SLC5A10: variants seen among roughly 807,000 people sequenced by gnomAD.
SLC5A10 encodes the protein sodium/mannose cotransporter SLC5A10.
Under a neutral mutation model 68.9 loss-of-function variants are expected in SLC5A10, and 55 were observed. The ratio of observed to expected loss-of-function variants is 0.80; its 90% CI spans 0.64 to 1.00. The LOEUF is 1.00. Ranked by LOEUF, SLC5A10 falls within the 50% of genes least tolerant of loss-of-function variation. The pLI is 0.00. For synonymous variants in SLC5A10, 344 were observed against 344.8 expected, an observed-to-expected ratio of 1.00 and a Z score of 0.02; for missense variants, 732 against 819.3, an observed-to-expected ratio of 0.89 and a Z score of 1.30.
rs201190158 is a variant in SLC5A10 at position 19,015,473 on chromosome 17, ATCTC to A, written c.1241+278_1241+281del. On this transcript the variant is annotated intron_variant, in intron 11 of 14. Transcript: ENST00000395645. ...CCCTCCCTCCCCAACCATGCCACAG[ATCTC>A]TCTATCTCCCCGAAAACCTGGGCCC... is the stretch of plus-strand genomic sequence containing the variant. Among the ~76,000 whole-genome samples, 69 of 151,996 alleles carry A rather than the reference ATCTC, an allele frequency of 4.5e-4. No homozygotes were observed. In the East Asian group the frequency reaches 8.5e-3, roughly 19 times the overall value.
chr17:18,991,580 G>A (rs2043426106), intron 9 of SLC5A10, among the ~76,000 whole-genome samples: 1 of 152,170 alleles, frequency 6.6e-6, no homozygotes, highest in African/African-American at 2.4e-5. Flanking sequence ...GCAGGAGGCG[G>A]GTGGCCTGGG....
At chr17:19,005,805 G>GC (rs1041447038) in intron 9 of SLC5A10, among the ~76,000 whole-genome samples, 2 of 152,132 alleles carry the variant, frequency 1.3e-5, no homozygotes, top group African/African-American at 2.4e-5. Flanking sequence ...CTGCCATATA[G>GC]CCCCCCAAGG....
Position 19,015,085 on chromosome 17 carries a change from C to T in SLC5A10, c.1127C>T (p.Ala376Val), listed in dbSNP as rs767812987. ...CTGATGATCGCAGTGATGCTGGCGG[C>T]GCTCATGTCGTCGCTGACCTCCATC... ...RGLMIAVMLA[A>V]LMSSLTSIFN... is the part of the protein sequence containing the mutation. Residue 376 changes from alanine (A) to valine (V), a missense_variant, in exon 11 of 15, where the codon GCG (alanine) becomes GTG (valine). Physicochemically the swap from Ala to Val is moderately conservative, Grantham distance 64. Transcript: ENST00000395645. 8.7e-6 allele frequency: 14 copies of T among 1,613,854 alleles called. No homozygotes were observed. Among genetic ancestry groups the T allele is most frequent in the Non-Finnish European group, 1.2e-5 (14 of 1,179,894 alleles).
Position 18,968,932 on chromosome 17 carries a change from CTCCCCTCCTTAT to C in SLC5A10, c.454-119_454-108del. On this transcript the variant is annotated intron_variant, in intron 5 of 14. Coordinates refer to ENST00000395645, the MANE Select transcript of SLC5A10 (RefSeq NM_001042450.4). The surrounding 1 kb of genome is among the most constrained non-coding windows in gnomAD (Gnocchi z 4.1). ...TGCAGGCAGGCAGGCGAGTGGGGGT[CTCCCCTCCTTAT>C]CCACAGGCCACCGAGGCCCAGAGAG... The C allele has an allele frequency of 1.2e-6, 1 of 806,996 alleles. No homozygotes were observed. The highest frequency in any genetic ancestry group is 1.8e-5 in the South Asian group (1 of 55,028). The allele number at this position is 806,996 out of a possible 1,614,324, so 50.0% of individuals were successfully genotyped here.
At position 18,985,467 on chromosome 17, in the gene SLC5A10, G is replaced by A. The variant is rs150846402; in HGVS notation, c.982+8478G>A. On this transcript the variant is annotated intron_variant, in intron 9 of 14. Transcript: ENST00000395645. ...CCTGGGCCCAAAGGAGCTGGGGCAGGTTGGTGCAGAGCTGGGCAGGGGTGG... is the reference window on the plus strand; with the variant it reads ...CCTGGGCCCAAAGGAGCTGGGGCAGATTGGTGCAGAGCTGGGCAGGGGTGG... 4.5e-3 allele frequency among the ~76,000 whole-genome samples: 691 copies of A among 152,360 alleles called. 7 individuals are homozygous for A. Among genetic ancestry groups the A allele is most frequent in the African/African-American group, 0.016 (650 of 41,582 alleles).
intron 9 of SLC5A10, 33 bp downstream of exon 9, chr17:18,977,022 G>A: frequency 1.2e-6 from 2 of 1,606,896 alleles, no homozygotes; most frequent in Non-Finnish European, 1.7e-6. Flanking sequence ...AACCCAGGCT[G>A]CAGGGCACCC....
intron 5 of SLC5A10, among the ~76,000 whole-genome samples, chr17:18,965,512 GTT>G (rs1182565136): frequency 6.6e-6 from 1 of 152,236 alleles, no homozygotes; most frequent in East Asian, 1.9e-4. Flanking sequence ...ACCAGGGCCG[GTT>G]CCCAGCCTCC....
chr17:18,988,129 G>A (rs1295060886), intron 9 of SLC5A10: 3 of 1,446,326 alleles, frequency 2.1e-6, no homozygotes, highest in African/African-American at 1.4e-5. Flanking sequence ...TAGGATTACT[G>A]GACTCTGAGT....
rs1028566075 is a variant in SLC5A10 at position 19,004,511 on chromosome 17, G to A, written c.983-8899G>A. ...GCTTCTTAGAGTGGGAGGCGGCCCC[G>A]GCACAGAGGCGCCCCGCAAACCGAG... On this transcript the variant is annotated intron_variant, in intron 9 of 14. Transcript: ENST00000395645. This position sits in a 1 kb window ranked among gnomAD's most constrained non-coding sequence, Gnocchi z 5.4. Among the ~76,000 whole-genome samples, 8 of 152,150 alleles carry A rather than the reference G, an allele frequency of 5.3e-5. No individual in the cohort carries two copies. The highest frequency in any genetic ancestry group is 1.2e-4 in the Non-Finnish European group (8 of 67,992).
chr17:18,977,598 C>A (rs2043011674), intron 9 of SLC5A10: 1 of 1,608,472 alleles, frequency 6.2e-7, no homozygotes, highest in African/African-American at 1.3e-5. Flanking sequence ...GCCTCCTTGT[C>A]TGTGGAGCGC....
At chr17:18,984,332 CAAAAA>C (rs1176935676) in intron 9 of SLC5A10, among the ~76,000 whole-genome samples, 50 of 68,012 alleles carry the variant, frequency 7.4e-4, no homozygotes, top group African/African-American at 2.7e-3. Context: ...GACTCCCTCT[CAAAAA>C]AAAAAAAAAA....
Position 18,995,911 on chromosome 17 carries a change from T to TAAA in SLC5A10, c.983-17485_983-17483dup, listed in dbSNP as rs555014135. ...CAACAGAGTAAGACTCTGTCTCAAT[T>TAAA]AAAAAAAAAAAAAAAAGACTAAATC... On this transcript the variant is annotated intron_variant, in intron 9 of 14. Coordinates refer to ENST00000395645, the MANE Select transcript of SLC5A10 (RefSeq NM_001042450.4). Among the ~76,000 whole-genome samples the TAAA allele has an allele frequency of 1.1e-4, 14 of 125,354 alleles. No homozygotes were observed. The South Asian group carries it at 3.4e-3, about 30-fold the overall frequency. 82.2% of individuals were successfully genotyped at this position (125,354 alleles called of 152,430 possible).
chr17:18,990,746 A>G (rs1038280714), intron 9 of SLC5A10, among the ~76,000 whole-genome samples: 7 of 152,146 alleles, frequency 4.6e-5, no homozygotes, highest in Non-Finnish European at 1.0e-4. Flanking sequence ...GTGGTCAGAG[A>G]TGGGTTTGTA....
At chr17:18,980,309 G>C (rs1416681224) in intron 9 of SLC5A10, among the ~76,000 whole-genome samples, 1 of 152,180 alleles carries the variant, frequency 6.6e-6, no homozygotes, top group East Asian at 1.9e-4. Flanking sequence ...ACCCAGGCCA[G>C]GTCCTGTAAA....
chr17:18,987,433 T>A (rs1165344220), intron 9 of SLC5A10, among the ~76,000 whole-genome samples: 1 of 152,208 alleles, frequency 6.6e-6, no homozygotes, highest in Non-Finnish European at 1.5e-5. Flanking sequence ...CGCACGCTCA[T>A]CTGCTCTCAG....
At chr17:19,012,151 T>A (rs150466438) in intron 9 of SLC5A10, among the ~76,000 whole-genome samples, 1 of 152,272 alleles carries the variant, frequency 6.6e-6, no homozygotes, top group Non-Finnish European at 1.5e-5. Flanking sequence ...AAGTCTTTTA[T>A]GGGAGGAAAA....
chr17:18,969,707 G>A (rs1567783794), intron 7 of SLC5A10: 1 of 389,460 alleles, frequency 2.6e-6, no homozygotes, highest in South Asian at 7.3e-5. Flanking sequence ...CACCCGCATT[G>A]GCTCAGCGCT....
At chr17:18,966,480 T>C (rs2042710697) in intron 5 of SLC5A10, among the ~76,000 whole-genome samples, 1 of 152,152 alleles carries the variant, frequency 6.6e-6, no homozygotes, top group South Asian at 2.1e-4. Flanking sequence ...GAATAGACTC[T>C]GGGCCGGGTG....
chr17:19,017,229 A>G lies in SLC5A10; in HGVS notation c.1241+2030A>G, dbSNP rs561369845. 8.8e-6 allele frequency: 13 copies of G among 1,476,122 alleles called. No homozygotes were observed. Among genetic ancestry groups the G allele is most frequent in the South Asian group, 6.1e-5 (5 of 82,028 alleles). The allele number at this position is 1,476,122 out of a possible 1,614,324, so 91.4% of individuals were successfully genotyped here. A position where few individuals can be genotyped will look rare whatever the true frequency, so the allele number is the denominator to read the frequency against. On this transcript the variant is annotated intron_variant, in intron 11 of 14. Transcript: ENST00000395645. This position sits in a 1 kb window ranked among gnomAD's most constrained non-coding sequence, Gnocchi z 5.6. Reference sequence around the variant, plus strand: ...CAGCTGCCAGCTGGATAGAGCAGAAAGGGCCCCGTGCCAGGTGTCAGGCTG... The same window carrying G: ...CAGCTGCCAGCTGGATAGAGCAGAAGGGGCCCCGTGCCAGGTGTCAGGCTG...
Sources: gnomAD v4.1 joint callset for allele counts (sites outside exome capture counted in the v4.1 genomes callset) on GRCh38, gnomAD v4.1.1 for gene constraint, Gnocchi (gnomAD v3.1) non-coding constraint, MANE v1.5 for transcripts, NCBI Gene and HGNC (gene_info 2026-07-23, HGNC 2026-07-21) for gene names.